Variants in AP1G1 observed in about 807,000 individuals in gnomAD.
The protein encoded by AP1G1 is adaptor related protein complex 1 subunit gamma 1, also known as AP-1 complex subunit gamma-1.
Under a neutral mutation model 108.3 loss-of-function variants are expected in AP1G1, and 7 were observed. The observed-to-expected ratio is 0.06, with a 90% CI of 0.04 to 0.12. The LOEUF is 0.12. Among genes scored for constraint, AP1G1 ranks in the 10% least tolerant of loss-of-function variants. AP1G1 has a pLI of 1.00. For missense variants in AP1G1, 756 were observed against 1,010.7 expected, an observed-to-expected ratio of 0.75 and a Z score of 3.42; for synonymous variants, 379 against 353.5, an observed-to-expected ratio of 1.07 and a Z score of -0.81.
chr16:71,788,090 A>G (rs1196739626), intron 2 of AP1G1, among the ~76,000 whole-genome samples: 1 of 152,156 alleles, frequency 6.6e-6, no homozygotes, highest in Non-Finnish European at 1.5e-5. Flanking sequence ...CCAAACCCCA[A>G]GATGACCATA....
chr16:71,801,917 G>A (rs565031583), intron 1 of AP1G1, among the ~76,000 whole-genome samples: 4 of 128,640 alleles, frequency 3.1e-5, no homozygotes, highest in African/African-American at 5.8e-5. Context: ...GCGAGACTCC[G>A]TAACCAAAAA....
chr16:71,792,002 T>C (rs2032420962), intron 1 of AP1G1, among the ~76,000 whole-genome samples: 1 of 152,208 alleles, frequency 6.6e-6, no homozygotes, highest in South Asian at 2.1e-4. Context: ...CCTCAGGTGA[T>C]CCACCCGCCT....
In AP1G1 at chr16:71,796,239, A is replaced by AAAT. The variant is rs992507368; in HGVS notation, c.-3-6760_-3-6758dup. Among the ~76,000 whole-genome samples, 11 of 152,272 alleles carry AAAT rather than the reference A, an allele frequency of 7.2e-5. No homozygotes were observed. In the East Asian group the frequency reaches 1.7e-3, roughly 24 times the overall value. ...GGGTTGTGAAGTAAGACCGTCTCAA[A>AAAT]AATAATAATAATACAATGAAATAAA... On this transcript the variant is annotated intron_variant, in intron 1 of 22. Coordinates refer to ENST00000299980, the MANE Select transcript of AP1G1 (RefSeq NM_001128.6).
intron 1 of AP1G1, among the ~76,000 whole-genome samples, chr16:71,802,971 TTGGGAGGC>T (rs1567666761): frequency 6.6e-6 from 1 of 152,054 alleles, no homozygotes; most frequent in African/African-American, 2.4e-5. Context: ...TCCCAGCACT[TTGGGAGGC>T]TGAAGCAGGT....
intron 1 of AP1G1, chr16:71,808,473 T>C: frequency 8.1e-7 from 1 of 1,227,772 alleles, no homozygotes; most frequent in South Asian, 1.3e-5. Context: ...GATCGCAGCC[T>C]GAGAAAGTCA....
At chr16:71,753,924 T>G (rs755704382) in intron 12 of AP1G1, 37 bp from the exon 13 acceptor site, 8 of 1,588,442 alleles carry the variant, frequency 5.0e-6, no homozygotes, top group Non-Finnish European at 6.0e-6. Flanking sequence ...TTGGAACCAG[T>G]AAAATATACC....
At chr16:71,795,131 C>CGTTCT (rs1204517836) in intron 1 of AP1G1, among the ~76,000 whole-genome samples, 3 of 152,010 alleles carry the variant, frequency 2.0e-5, no homozygotes, top group African/African-American at 7.2e-5. Flanking sequence ...GCCCAGATAA[C>CGTTCT]GTTCTCCCTG....
At chr16:71,778,274 A>T (rs2031866284) in intron 2 of AP1G1, among the ~76,000 whole-genome samples, 1 of 152,232 alleles carries the variant, frequency 6.6e-6, no homozygotes, top group Non-Finnish European at 1.5e-5. Context: ...ATATAAGGTT[A>T]TATGACTGGA....
intron 2 of AP1G1, among the ~76,000 whole-genome samples, chr16:71,788,461 A>T (rs1209863616): frequency 1.3e-5 from 2 of 152,160 alleles, no homozygotes; most frequent in African/African-American, 2.4e-5. Context: ...GACATCTTAG[A>T]TAGTAACCAT....
intron 1 of AP1G1, among the ~76,000 whole-genome samples, chr16:71,799,901 AAAT>A (rs145326343): frequency 0.22 from 33,053 of 147,166 alleles, 4,386 homozygotes; most frequent in Non-Finnish European, 0.3. Context: ...TCCATCTTAA[AAAT>A]AATAATAATA....
At chr16:71,769,961 A>G (rs1237003371) in intron 5 of AP1G1, among the ~76,000 whole-genome samples, 1 of 152,240 alleles carries the variant, frequency 6.6e-6, no homozygotes, top group South Asian at 2.1e-4. Flanking sequence ...CGACCAATAC[A>G]TATGTCTCTC....
intron 1 of AP1G1, chr16:71,807,957 T>C: frequency 8.0e-7 from 1 of 1,256,568 alleles, no homozygotes; most frequent in Non-Finnish European, 1.0e-6. Context: ...TGACAGCTCT[T>C]GCCTCCCAAA....
At chr16:71,765,127 GT>G (rs1262483474) in intron 7 of AP1G1, among the ~76,000 whole-genome samples, 1 of 152,186 alleles carries the variant, frequency 6.6e-6, no homozygotes, top group Non-Finnish European at 1.5e-5. Context: ...GGCTACTTGA[GT>G]CCAGGAGTTT....
chr16:71,797,954 T>C (rs1211030934), intron 1 of AP1G1, among the ~76,000 whole-genome samples: 3 of 152,150 alleles, frequency 2.0e-5, no homozygotes, highest in Non-Finnish European at 4.4e-5. Flanking sequence ...TTAATGTATC[T>C]GATATTAACT....
In AP1G1 at chr16:71,733,109, T is replaced by A; in HGVS notation, c.2418A>T (p.Ala806=). ...IKLTYNHKGS[A]MQDLAEVNNF... ...TGTTCACCTCTGCTAGATCTTGCATTGCTGAGCCCTTGTGATTATATGTAA... is the reference window on the plus strand; with the variant it reads ...TGTTCACCTCTGCTAGATCTTGCATAGCTGAGCCCTTGTGATTATATGTAA... Residue 806 remains alanine, a synonymous_variant, in exon 23 of 23, where the codon GCA becomes GCT. Transcript: ENST00000299980. The A allele has an allele frequency of 6.2e-7, 1 of 1,614,194 alleles. No individual in the cohort carries two copies. The highest frequency in any genetic ancestry group is 1.1e-5 in the South Asian group (1 of 91,074).
At chr16:71,763,000 A>G (rs1362675898) in intron 9 of AP1G1, among the ~76,000 whole-genome samples, 2 of 152,192 alleles carry the variant, frequency 1.3e-5, no homozygotes, top group African/African-American at 4.8e-5. Flanking sequence ...ATTGAATTCA[A>G]TTAGAAGATA....
chr16:71,738,705 T>A (rs1597033566), intron 21 of AP1G1, among the ~76,000 whole-genome samples: 1 of 152,146 alleles, frequency 6.6e-6, no homozygotes, highest in South Asian at 2.1e-4. Context: ...CTCACTACTA[T>A]TAGAATTGTT....
chr16:71,803,941 A>G (rs1050110079), intron 1 of AP1G1, among the ~76,000 whole-genome samples: 6 of 151,236 alleles, frequency 4.0e-5, no homozygotes, highest in South Asian at 2.1e-4. Context: ...AAAAAAAAAA[A>G]GACACCTCTT....
intron 10 of AP1G1, among the ~76,000 whole-genome samples, chr16:71,759,570 C>A (rs1047996598): frequency 1.8e-4 from 28 of 151,990 alleles, no homozygotes; most frequent in Admixed American, 1.7e-3. Flanking sequence ...ACCACCCTGG[C>A]TACCATGGTG....
Sources: gnomAD v4.1 joint callset for allele counts (sites outside exome capture counted in the v4.1 genomes callset) on GRCh38, gnomAD v4.1.1 for gene constraint, MANE v1.5 for transcripts, NCBI Gene and HGNC (gene_info 2026-07-23, HGNC 2026-07-21) for gene names.